Variants in C3orf22 observed in about 807,000 individuals in gnomAD.
C3orf22 encodes chromosome 3 open reading frame 22.
In C3orf22, 7 loss-of-function variants were observed where a neutral mutation model predicts 10.8. The observed-to-expected ratio is 0.65, with a 90% CI of 0.37 to 1.22. The LOEUF is 1.22. C3orf22 is among the 50% of genes most tolerant of loss of function. C3orf22 has a pLI of 0.02. For missense variants in C3orf22, 173 were observed against 177.0 expected (o/e 0.98, Z 0.13); for synonymous variants, 79 against 78.9 (o/e 1.00, Z 0.00).
intron 5 of C3orf22, chr3:126,528,999 G>A (rs1306015041): frequency 3.6e-5 from 12 of 334,924 alleles, no homozygotes; most frequent in Non-Finnish European, 6.4e-5. Context: ...GGGCCTGGCT[G>A]CCCTGCTTAT....
chr3:126,553,058 G>A (rs1937236415), intron 2 of C3orf22, among the ~76,000 whole-genome samples: 1 of 152,270 alleles, frequency 6.6e-6, no homozygotes, highest in East Asian at 1.9e-4. Context: ...TGGGGAAGCA[G>A]CTGGCCTGGG....
At position 126,537,718 on chromosome 3, in the gene C3orf22, TC is replaced by T. The variant is rs111441688; in HGVS notation, c.287-8347del. Among the ~76,000 whole-genome samples, 147 of 152,198 alleles carry T rather than the reference TC, an allele frequency of 9.7e-4. 1 individual carries two copies. Among genetic ancestry groups the T allele is most frequent in the African/African-American group, 3.4e-3 (143 of 41,488 alleles). ...GACCCTGTGACCGTTGGGTGTCAACTCCCTGGAGGCTTAGCACCTTGCGGCT... is the reference window on the plus strand; with the variant it reads ...GACCCTGTGACCGTTGGGTGTCAACTCCTGGAGGCTTAGCACCTTGCGGCT... On this transcript the variant is annotated intron_variant and NMD_transcript_variant, in intron 4 of 5. Transcript: ENST00000505070.
At chr3:126,536,227 G>T (rs370113692) in intron 4 of C3orf22, 5 of 1,566,002 alleles carry the variant, frequency 3.2e-6, no homozygotes, top group African/African-American at 2.7e-5. Context: ...GTCCATGCAA[G>T]TCCCTCTGAT....
intron 4 of C3orf22, chr3:126,542,260 C>G (rs776529195): frequency 6.4e-7 from 1 of 1,551,694 alleles, no homozygotes; most frequent in Non-Finnish European, 8.7e-7. Context: ...TGGACCCGCG[C>G]ACGCGGCGTG....
At chr3:126,546,739 C>T (rs996462633), downstream of C3orf22, among the ~76,000 whole-genome samples, 19 of 152,146 alleles carry the variant, frequency 1.2e-4, no homozygotes, top group African/African-American at 2.7e-4. Flanking sequence ...GTGTTTGCTA[C>T]GGTGGTCCCA....
At chr3:126,551,789 G>A (rs1238578779) in intron 3 of C3orf22, among the ~76,000 whole-genome samples, 8 of 152,272 alleles carry the variant, frequency 5.3e-5, no homozygotes, top group African/African-American at 1.7e-4. Flanking sequence ...GCCCAGGGAA[G>A]GTTCTGTGTG....
At chr3:126,534,390 G>GAGAC (rs146830675) in intron 4 of C3orf22, among the ~76,000 whole-genome samples, 66 of 152,162 alleles carry the variant, frequency 4.3e-4, no homozygotes, top group Middle Eastern at 3.4e-3. Flanking sequence ...GTGCAGCAAG[G>GAGAC]AGACAGACAG....
chr3:126,550,161 GCCACA>G, intron 3 of C3orf22, 83 bp from the exon 4 acceptor site: 1 of 1,486,214 alleles, frequency 6.7e-7, no homozygotes, highest in Non-Finnish European at 9.2e-7. Flanking sequence ...GTCAGCCAGG[GCCACA>G]TCTGGGAGGG....
rs1364054103 is a variant in C3orf22 at position 126,549,803 on chromosome 3, G to A, written c.*65C>T. ...TGATCCCTTTACTAAAGTCTCTGTGGCTACTGCCCAGAGCCTGCCAAGGAG... is the reference window on the plus strand; with the variant it reads ...TGATCCCTTTACTAAAGTCTCTGTGACTACTGCCCAGAGCCTGCCAAGGAG... On this transcript the variant is annotated 3_prime_UTR_variant, in exon 4 of 4. Transcript: ENST00000318225. 1 of 1,546,634 alleles carries A rather than the reference G, an allele frequency of 6.5e-7. No homozygotes were observed. Among genetic ancestry groups the A allele is most frequent in the Non-Finnish European group, 8.7e-7 (1 of 1,147,870 alleles).
chr3:126,542,010 C>T, intron 4 of C3orf22: 1 of 1,561,184 alleles, frequency 6.4e-7, no homozygotes, highest in South Asian at 1.2e-5. Flanking sequence ...CCCTCACTGG[C>T]CGACTTCAGC....
chr3:126,532,563 A>G (rs1381185586), intron 4 of C3orf22, among the ~76,000 whole-genome samples: 3 of 152,244 alleles, frequency 2.0e-5, no homozygotes, highest in Non-Finnish European at 4.4e-5. Flanking sequence ...TCCCTCATCA[A>G]TAATCAACTG....
At chr3:126,537,475 G>T (rs1936822469) in intron 4 of C3orf22, among the ~76,000 whole-genome samples, 1 of 152,208 alleles carries the variant, frequency 6.6e-6, no homozygotes, top group South Asian at 2.1e-4. Flanking sequence ...GTGTTGGGTA[G>T]GTGGCTGCTC....
intron 4 of C3orf22, chr3:126,542,501 C>T: frequency 1.3e-6 from 2 of 1,576,172 alleles, no homozygotes; most frequent in South Asian, 2.3e-5. Context: ...CTTCTACCAG[C>T]GGCGCCTCTT....
At position 126,542,213 on chromosome 3, in the gene C3orf22, C is replaced by T. The variant is rs766907791; in HGVS notation, c.286+7324G>A. The T allele has an allele frequency of 2.3e-5, 33 of 1,461,010 alleles. No individual in the cohort carries two copies. Among genetic ancestry groups the T allele is most frequent in the Non-Finnish European group, 2.9e-5 (32 of 1,114,632 alleles). 90.5% of individuals were successfully genotyped at this position (1,461,010 alleles called of 1,614,324 possible). A position where few individuals can be genotyped will look rare whatever the true frequency, so the allele number is the denominator to read the frequency against. On this transcript the variant is annotated intron_variant and NMD_transcript_variant, in intron 4 of 5. Transcript: ENST00000505070. Reference sequence around the variant, plus strand: ...GCTCCCCGACGCCCGGGCCCGCGGCCACGACGTGCGCTTCGCGGAGTTCCT... The same window carrying T: ...GCTCCCCGACGCCCGGGCCCGCGGCTACGACGTGCGCTTCGCGGAGTTCCT...
intron 4 of C3orf22, chr3:126,541,780 G>A: frequency 6.5e-7 from 1 of 1,533,824 alleles, no homozygotes; most frequent in Non-Finnish European, 8.8e-7. Context: ...GGCGCGACCT[G>A]CTGAACAGCG....
At chr3:126,551,959 C>T (rs1937197385) in intron 3 of C3orf22, 38 bp downstream of exon 3, 3 of 1,564,096 alleles carry the variant, frequency 1.9e-6, no homozygotes, top group Non-Finnish European at 2.6e-6. Flanking sequence ...AGCATGCACA[C>T]AGCCAGTGGG....
chr3:126,536,898 C>A (rs955468723), intron 4 of C3orf22, among the ~76,000 whole-genome samples: 5 of 101,156 alleles, frequency 4.9e-5, no homozygotes, highest in African/African-American at 2.1e-4. Context: ...CACACACAAA[C>A]ACACACACAC....
intron 4 of C3orf22, among the ~76,000 whole-genome samples, chr3:126,529,842 G>A (rs943153675): frequency 6.6e-4 from 100 of 152,258 alleles, no homozygotes; most frequent in East Asian, 1.2e-3. Flanking sequence ...CAGTCACCGC[G>A]TGGCTTTCCC....
In C3orf22 at chr3:126,555,247, C is replaced by G. The variant is rs574234991; in HGVS notation, c.-40-1817G>C. ...CCTTTGGTCAAGGTGACCCCTGATG[C>G]GTGCTTCCCTGGCTGCTGGGGGTTC... On this transcript the variant is annotated intron_variant, in intron 1 of 3. Transcript: ENST00000318225. Among the ~76,000 whole-genome samples the G allele has an allele frequency of 3.3e-5, 5 of 152,330 alleles. No homozygotes were observed. The East Asian group carries it at 9.6e-4, about 29-fold the overall frequency.
Sources: allele counts gnomAD v4.1 joint callset (sites outside exome capture counted in the v4.1 genomes callset), GRCh38; gene constraint gnomAD v4.1.1; transcripts MANE v1.5; gene names NCBI Gene and HGNC (gene_info 2026-07-23, HGNC 2026-07-21).